Variants in PRKAG2 observed in about 807,000 individuals in gnomAD.
PRKAG2 encodes 5'-AMP-activated protein kinase subunit gamma-2.
Under a neutral mutation model 69.6 loss-of-function variants are expected in PRKAG2, and 26 were observed. The observed-to-expected ratio is 0.37, with a 90% CI of 0.27 to 0.52. The LOEUF (loss-of-function observed/expected upper bound fraction) is 0.52, where lower values mean the gene tolerates loss of function less well. PRKAG2 is among the 20% of genes least tolerant of loss of function. The pLI is 0.90. For synonymous variants in PRKAG2, 293 were observed against 285.0 expected (o/e 1.03, Z -0.28); for missense variants, 557 against 740.0 (o/e 0.75, Z 2.87).
At chr7:151,613,369 A>C (rs2151227535) in intron 5 of PRKAG2, among the ~76,000 whole-genome samples, 1 of 152,314 alleles carries the variant, frequency 6.6e-6, no homozygotes, top group South Asian at 2.1e-4. Flanking sequence ...TCAAGGGAAA[A>C]GCTCATCAGA....
intron 1 of PRKAG2, among the ~76,000 whole-genome samples, chr7:151,872,293 G>T (rs372384950): frequency 2.0e-5 from 3 of 152,284 alleles, no homozygotes; most frequent in African/African-American, 7.2e-5. Context: ...CCTGGGGGGG[G>T]GCTTTTGCCA....
chr7:151,849,837 T>G (rs2079527892), intron 1 of PRKAG2, among the ~76,000 whole-genome samples: 2 of 152,286 alleles, frequency 1.3e-5, no homozygotes, highest in African/African-American at 4.8e-5. Flanking sequence ...CTTCGCTAAG[T>G]ACATCTGCCA....
rs910451931 is a variant in PRKAG2, at chr7:151,777,118, G to T, written c.466+4034C>A. Among the ~76,000 whole-genome samples the T allele has an allele frequency of 2.0e-5, 3 of 152,208 alleles. No individual in the cohort carries two copies. Among genetic ancestry groups the T allele is most frequent in the African/African-American group, 7.2e-5 (3 of 41,458 alleles). On this transcript the variant is annotated intron_variant, in intron 3 of 15. Transcript: ENST00000287878. The surrounding 1 kb of genome is among the most constrained non-coding windows in gnomAD (Gnocchi z 4.3). ...CTGGCTTTAAGGAAAGGGTGGAGGG[G>T]AGTCTGGGAGCTTCCTCCTGTGCAG...
chr7:151,705,691 A>C (rs556435847), intron 3 of PRKAG2, among the ~76,000 whole-genome samples: 1 of 152,246 alleles, frequency 6.6e-6, no homozygotes, highest in African/African-American at 2.4e-5. Flanking sequence ...GTTCGATTGG[A>C]GGGTGCTCTG....
At chr7:151,677,447 C>T (rs908586845) in intron 3 of PRKAG2, among the ~76,000 whole-genome samples, 36 of 152,332 alleles carry the variant, frequency 2.4e-4, no homozygotes, top group African/African-American at 7.2e-4. Flanking sequence ...CTGCCCCGGC[C>T]TCCCAAAGTG....
Position 151,781,102 on chromosome 7 carries a change from G to C in PRKAG2, c.466+50C>G, listed in dbSNP as rs375367151. On this transcript the variant is annotated intron_variant, in intron 3 of 15. Coordinates refer to ENST00000287878, the MANE Select transcript of PRKAG2 (RefSeq NM_016203.4). This position sits in a 1 kb window ranked among gnomAD's most constrained non-coding sequence, Gnocchi z 6.1. ...ACCGTGGATGTGTGGCTGCAGAAGA[G>C]ACCCCCAGCACCCCAGCACCCACCT... 1 of 1,609,482 alleles carries C rather than the reference G, an allele frequency of 6.2e-7. No homozygotes were observed. Among genetic ancestry groups the C allele is most frequent in the African/African-American group, 1.3e-5 (1 of 74,824 alleles).
chr7:151,785,451 G>C (rs1188252095), intron 2 of PRKAG2, among the ~76,000 whole-genome samples: 1 of 152,248 alleles, frequency 6.6e-6, no homozygotes, highest in Non-Finnish European at 1.5e-5. Flanking sequence ...GATGGGCCAC[G>C]AGAGCTGCTA....
At chr7:151,869,390 A>C (rs539124492) in intron 1 of PRKAG2, among the ~76,000 whole-genome samples, 1 of 152,214 alleles carries the variant, frequency 6.6e-6, no homozygotes, top group South Asian at 2.1e-4. Flanking sequence ...GGGCTAGATG[A>C]GGGCAGAGAT....
rs778614872 is a variant in PRKAG2 at position 151,595,455 on chromosome 7, C to T, written c.755-1G>A. On this transcript the variant is annotated splice_acceptor_variant, in intron 5 of 15. Transcript: ENST00000287878. LOFTEE classifies it high-confidence loss of function. ...ACACCACTTTCTGAGTCTTCTACTGCTAAAAGAAAAAAAGGCAAAACATCA... is the reference window on the plus strand; with the variant it reads ...ACACCACTTTCTGAGTCTTCTACTGTTAAAAGAAAAAAAGGCAAAACATCA... 3.1e-6 allele frequency: 5 copies of T among 1,610,432 alleles called. No individual in the cohort carries two copies. In the Admixed American group the frequency reaches 8.3e-5, roughly 27 times the overall value.
chr7:151,773,145 A>G (rs1435754554), intron 3 of PRKAG2, among the ~76,000 whole-genome samples: 18 of 135,452 alleles, frequency 1.3e-4, no homozygotes, highest in African/African-American at 4.4e-4. Context: ...AGAAGGGAAG[A>G]AAGGAAGGAA....
At chr7:151,594,203 T>TC (rs1364081854) in intron 6 of PRKAG2, among the ~76,000 whole-genome samples, 1 of 152,212 alleles carries the variant, frequency 6.6e-6, no homozygotes, top group Non-Finnish European at 1.5e-5. Flanking sequence ...CTGGGTGTCT[T>TC]CCCCTGCCCT....
intron 1 of PRKAG2, among the ~76,000 whole-genome samples, chr7:151,842,734 A>AGTAGTGATGGTAG (rs1487526896): frequency 6.8e-6 from 1 of 147,794 alleles, no homozygotes; most frequent in Admixed American, 6.7e-5. Flanking sequence ...TGGTTGTGAT[A>AGTAGTGATGGTAG]GTAGTGATGG....
In PRKAG2 at chr7:151,637,956, G is replaced by A. The variant is rs529570683; in HGVS notation, c.685-5818C>T. Among the ~76,000 whole-genome samples the A allele has an allele frequency of 2.0e-5, 3 of 152,258 alleles. No homozygotes were observed. In the South Asian group the frequency reaches 6.2e-4, roughly 32 times the overall value. On this transcript the variant is annotated intron_variant, in intron 4 of 15. Coordinates refer to ENST00000287878, the MANE Select transcript of PRKAG2 (RefSeq NM_016203.4). ...AAGCCGGGAGAAGAGGCGAAGGGAG[G>A]GGAAGGGCGTGGGCAATGTCATGCA... is the stretch of plus-strand genomic sequence containing the variant.
Position 151,870,569 on chromosome 7 carries a change from C to T in PRKAG2, c.114+5938G>A, listed in dbSNP as rs2080196308. On this transcript the variant is annotated intron_variant, in intron 1 of 15. Coordinates refer to ENST00000287878, the MANE Select transcript of PRKAG2 (RefSeq NM_016203.4). Reference sequence around the variant, plus strand: ...TCCCCCTTCCCTTTGCGGAGGCTTCCATCCGGAGCGTTTCAGTGGTGTGAG... The same window carrying T: ...TCCCCCTTCCCTTTGCGGAGGCTTCTATCCGGAGCGTTTCAGTGGTGTGAG... Among the ~76,000 whole-genome samples the T allele has an allele frequency of 5.3e-5, 8 of 152,346 alleles. No homozygotes were observed. The South Asian group carries it at 1.2e-3, about 24-fold the overall frequency.
intron 5 of PRKAG2, among the ~76,000 whole-genome samples, chr7:151,599,685 T>C (rs1303617725): frequency 6.6e-6 from 1 of 152,204 alleles, no homozygotes; most frequent in Admixed American, 6.5e-5. Context: ...TGGACTCCTA[T>C]GAGACACTAA....
intron 5 of PRKAG2, among the ~76,000 whole-genome samples, chr7:151,620,318 CTTCT>C (rs1219579835): frequency 6.6e-6 from 1 of 151,936 alleles, no homozygotes; most frequent in Non-Finnish European, 1.5e-5. Flanking sequence ...TAGGCAATTT[CTTCT>C]TTTTCTTTCT....
At chr7:151,728,680 A>G (rs1476714475) in intron 3 of PRKAG2, among the ~76,000 whole-genome samples, 5 of 152,174 alleles carry the variant, frequency 3.3e-5, no homozygotes, top group African/African-American at 1.2e-4. Flanking sequence ...TTGTTTGTCC[A>G]GTGTTCAGCT....
At chr7:151,857,454 A>G (rs1042918195) in intron 1 of PRKAG2, among the ~76,000 whole-genome samples, 1 of 152,152 alleles carries the variant, frequency 6.6e-6, no homozygotes, top group African/African-American at 2.4e-5. Flanking sequence ...GCCTATAAAA[A>G]TGGTTGGAAA....
At chr7:151,750,686 C>T (rs542251383) in intron 3 of PRKAG2, among the ~76,000 whole-genome samples, 6 of 152,128 alleles carry the variant, frequency 3.9e-5, no homozygotes, top group African/African-American at 1.4e-4. Flanking sequence ...GGGTGATGGT[C>T]GCACAACACT....
Sources: gnomAD v4.1 joint callset for allele counts (sites outside exome capture counted in the v4.1 genomes callset) on GRCh38, gnomAD v4.1.1 for gene constraint, Gnocchi (gnomAD v3.1) non-coding constraint, MANE v1.5 for transcripts, NCBI Gene and HGNC (gene_info 2026-07-23, HGNC 2026-07-21) for gene names.